FBN1: variants seen among roughly 807,000 people sequenced by gnomAD.
FBN1 encodes fibrillin 1.
In FBN1, 29 loss-of-function variants were observed where a neutral mutation model predicts 365.1. The observed-to-expected ratio is 0.08, with a 90% CI of 0.06 to 0.11. The LOEUF (loss-of-function observed/expected upper bound fraction) is 0.11, where lower values mean the gene tolerates loss of function less well. FBN1 is among the 10% of genes least tolerant of loss of function. FBN1 has a pLI of 1.00. For synonymous variants in FBN1, 1,210 were observed against 1,270.5 expected (o/e 0.95, Z 1.01); for missense variants, 2,476 against 3,703.2 (o/e 0.67, Z 8.60).
intron 16 of FBN1, 122 bp downstream of exon 16, chr15:48,504,903 G>A: frequency 7.6e-7 from 1 of 1,315,310 alleles, no homozygotes; most frequent in East Asian, 2.3e-5. Context: ...CTGTTGGTTT[G>A]TTGCTCTGCA....
chr15:48,542,963 G>C (rs74011855), intron 6 of FBN1, among the ~76,000 whole-genome samples: 1,908 of 152,134 alleles, frequency 0.013, 40 homozygotes, highest in African/African-American at 0.044. Context: ...CCATAAACTG[G>C]CATCACTGCC....
rs747820350 is a variant in FBN1, at chr15:48,432,951, G to A, written c.6654C>T (p.Ala2218=). The A allele has an allele frequency of 6.2e-7, 1 of 1,613,560 alleles. No homozygotes were observed. Among genetic ancestry groups the A allele is most frequent in the South Asian group, 1.1e-5 (1 of 91,078 alleles). The change falls in exon 55 of 66, where the codon GCC becomes GCT. Residue 2218 remains alanine (A), a synonymous_variant. Transcript: ENST00000316623. ...NECAQNPLLC[A]FRCVNTYGSY... Reference sequence around the variant, plus strand: ...ACCCATAAGTGTTCACACATCGGAAGGCACAGAGCAGAGGATTCTGGGCAC... The same window carrying A: ...ACCCATAAGTGTTCACACATCGGAAAGCACAGAGCAGAGGATTCTGGGCAC...
intron 32 of FBN1, among the ~76,000 whole-genome samples, chr15:48,479,012 AATCT>A (rs1173214875): frequency 1.3e-5 from 2 of 152,226 alleles, no homozygotes; most frequent in Non-Finnish European, 2.9e-5. Flanking sequence ...ATTAAACAAT[AATCT>A]ATCTAAATAA....
intron 2 of FBN1, among the ~76,000 whole-genome samples, chr15:48,623,317 G>A (rs1414737645): frequency 1.3e-5 from 2 of 152,130 alleles, no homozygotes; most frequent in Non-Finnish European, 2.9e-5. Context: ...TATTTAACAC[G>A]TCTTTGAAAG....
intron 60 of FBN1, among the ~76,000 whole-genome samples, chr15:48,422,641 T>G (rs1467953): frequency 0.64 from 98,097 of 152,150 alleles, 33,320 homozygotes; most frequent in Middle Eastern, 0.78. Context: ...AAATTCATTT[T>G]AATAGCTAAA....
At position 48,411,157 on chromosome 15, in the gene FBN1, A is replaced by C. The variant is rs148741353; in HGVS notation, c.8449T>G (p.Phe2817Val). 17 of 1,614,026 alleles carry C rather than the reference A, an allele frequency of 1.1e-5. No individual in the cohort carries two copies. Among genetic ancestry groups the C allele is most frequent in the Non-Finnish European group, 1.4e-5 (17 of 1,180,022 alleles). The change falls in exon 66 of 66, where the codon TTC becomes GTC. Residue 2817 changes from phenylalanine to valine, a missense_variant. By Grantham distance (50) the Phe-to-Val change is conservative. Around this residue, in one of 5 missense-constraint regions of FBN1, gnomAD observed 177 missense variants for 192.7 expected, o/e 0.92. Transcript: ENST00000316623. ...NQKEGISYLH[F>V]TKKKPVAGTY... Reference sequence around the variant, plus strand: ...CCAGCCACTGGCTTCTTCTTTGTGAAGTGGAGGTAGCTGATCCCTTCCTTT... The same window carrying C: ...CCAGCCACTGGCTTCTTCTTTGTGACGTGGAGGTAGCTGATCCCTTCCTTT...
chr15:48,428,556 C>T (rs1327896358), intron 56 of FBN1, 85 bp from the exon 57 acceptor site: 2 of 1,468,952 alleles, frequency 1.4e-6, no homozygotes, highest in Non-Finnish European at 1.9e-6. Context: ...TCGTTCCTTC[C>T]TTCCTCCCTC....
chr15:48,534,041 C>T, intron 8 of FBN1, 39 bp downstream of exon 8: 1 of 1,611,444 alleles, frequency 6.2e-7, no homozygotes, highest in Non-Finnish European at 8.5e-7. Context: ...TTGCCTGCCC[C>T]CACTACACCC....
chr15:48,415,225 C>T (rs1435484142), intron 64 of FBN1, among the ~76,000 whole-genome samples: 2 of 152,084 alleles, frequency 1.3e-5, no homozygotes, highest in Non-Finnish European at 2.9e-5. Flanking sequence ...CATGGGTTGG[C>T]AGAGAGGTGT....
In FBN1 at chr15:48,436,807, G is replaced by A. The variant is rs528090015; in HGVS notation, c.6496+154C>T. 3.9e-5 allele frequency among the ~76,000 whole-genome samples: 6 copies of A among 152,274 alleles called. No homozygotes were observed. In the South Asian group the frequency reaches 1.2e-3, roughly 32 times the overall value. On this transcript the variant is annotated intron_variant, in intron 53 of 65. Coordinates refer to ENST00000316623, the MANE Select transcript of FBN1 (RefSeq NM_000138.5). ...AGCACAGTGCCTGGGACCTGATGGT[G>A]ACTCACTAGTATTCTAAATGAATGA...
intron 2 of FBN1, among the ~76,000 whole-genome samples, chr15:48,627,896 C>A (rs1026905437): frequency 1.3e-5 from 2 of 152,160 alleles, no homozygotes; most frequent in Non-Finnish European, 2.9e-5. Context: ...AATGCCAGCA[C>A]AAAGTTTCAA....
intron 6 of FBN1, among the ~76,000 whole-genome samples, chr15:48,552,476 T>C (rs979718198): frequency 3.3e-5 from 5 of 151,552 alleles, no homozygotes; most frequent in African/African-American, 1.2e-4. Context: ...CTCCCTATGT[T>C]GCCCAGGCTG....
chr15:48,601,129 A>C (rs1318182046), intron 4 of FBN1, among the ~76,000 whole-genome samples: 1 of 152,196 alleles, frequency 6.6e-6, no homozygotes, highest in Non-Finnish European at 1.5e-5. Context: ...AGAAGTGTTC[A>C]TTTCGGGGCC....
At chr15:48,505,276 G>A in intron 15 of FBN1, 129 bp from the exon 16 acceptor site, 1 of 1,058,302 alleles carries the variant, frequency 9.4e-7, no homozygotes, top group Non-Finnish European at 1.4e-6. Context: ...AGCAACAAAA[G>A]CTCAAATGGC....
At chr15:48,526,278 T>G in intron 8 of FBN1, 23 bp from the exon 9 acceptor site, 1 of 1,613,440 alleles carries the variant, frequency 6.2e-7, no homozygotes, top group Middle Eastern at 1.7e-4. Flanking sequence ...AAAAAGAATC[T>G]CAGCATTTGT....
At position 48,408,815 on chromosome 15, in the gene FBN1, G is replaced by C. The variant is rs2042838386; in HGVS notation, c.*2175C>G. 1 of 152,630 alleles carries C rather than the reference G, an allele frequency of 6.6e-6. No homozygotes were observed. Among genetic ancestry groups the C allele is most frequent in the South Asian group, 2.1e-4 (1 of 4,832 alleles). 9.5% of individuals were successfully genotyped at this position (152,630 alleles called of 1,614,324 possible). On this transcript the variant is annotated 3_prime_UTR_variant, in exon 66 of 66. Transcript: ENST00000316623. ...TAAAAATATCAAAGTGATCCACTGTGTGCCAACTCCATTTTCCCCTGTTGT... is the reference window on the plus strand; with the variant it reads ...TAAAAATATCAAAGTGATCCACTGTCTGCCAACTCCATTTTCCCCTGTTGT...
At chr15:48,428,805 T>G (rs2043002897) in intron 56 of FBN1, among the ~76,000 whole-genome samples, 1 of 152,244 alleles carries the variant, frequency 6.6e-6, no homozygotes, top group South Asian at 2.1e-4. Context: ...TAGATTTTCT[T>G]CTTTCCTATA....
At chr15:48,537,280 GTTCACAAAC>G (rs2044021028) in intron 7 of FBN1, among the ~76,000 whole-genome samples, 1 of 152,132 alleles carries the variant, frequency 6.6e-6, no homozygotes, top group African/African-American at 2.4e-5. Context: ...AAACTACCTT[GTTCACAAAC>G]CTTGCTTTGT....
At chr15:48,473,702 C>A (rs1416998968) in intron 34 of FBN1, among the ~76,000 whole-genome samples, 1 of 152,048 alleles carries the variant, frequency 6.6e-6, no homozygotes, top group African/African-American at 2.4e-5. Flanking sequence ...GAAATACATA[C>A]TGTTCTTCTA....
Sources: gnomAD v4.1 joint callset for allele counts (sites outside exome capture counted in the v4.1 genomes callset) on GRCh38, gnomAD v4.1.1 for gene constraint, gnomAD v4.1.1 regional missense constraint, MANE v1.5 for transcripts, NCBI Gene and HGNC (gene_info 2026-07-23, HGNC 2026-07-21) for gene names.